FRMPD1: variants seen among roughly 807,000 people sequenced by gnomAD.
FRMPD1 encodes FERM and PDZ domain-containing protein 1.
A neutral mutation model predicts 117.8 loss-of-function variants in FRMPD1; 76 were observed. The observed-to-expected ratio is 0.65, with a 90% CI of 0.54 to 0.78. The LOEUF (loss-of-function observed/expected upper bound fraction) is 0.78. Among genes scored for constraint, FRMPD1 ranks in the 30% least tolerant of loss-of-function variants. The pLI, the probability that FRMPD1 is intolerant of heterozygous loss-of-function variation, is 0.00. For synonymous variants in FRMPD1, 783 were observed against 770.4 expected (o/e 1.02, Z -0.27); for missense variants, 1,786 against 1,964.5 (o/e 0.91, Z 1.72).
the FRMPD1 span, among the ~76,000 whole-genome samples, chr9:37,630,195 G>C: frequency 1.3e-5 from 2 of 152,238 alleles, no homozygotes; most frequent in African/African-American, 4.8e-5. Context: ...TCGGTCCATA[G>C]CACTTGCCAT....
At chr9:37,692,194 GC>G (rs1364627839) in intron 1 of FRMPD1, among the ~76,000 whole-genome samples, 1 of 152,172 alleles carries the variant, frequency 6.6e-6, no homozygotes, top group Admixed American at 6.5e-5. Flanking sequence ...AAAAGCAGCA[GC>G]GCTCAGAGGA....
intron 1 of FRMPD1, among the ~76,000 whole-genome samples, chr9:37,691,250 C>T (rs539465486): frequency 6.2e-4 from 94 of 152,302 alleles, no homozygotes; most frequent in African/African-American, 2.2e-3. Context: ...CTCTTATCTT[C>T]AGTAGGATGG....
Position 37,740,929 on chromosome 9 carries a change from G to C in FRMPD1, c.2356+45G>C, listed in dbSNP as rs1334600220. On this transcript the variant is annotated intron_variant, in intron 15 of 15. Coordinates refer to ENST00000377765, the MANE Select transcript of FRMPD1 (RefSeq NM_014907.3). This position sits in a 1 kb window ranked among gnomAD's most constrained non-coding sequence, Gnocchi z 4.2. ...TCTGCAGACACGGCAGGCAGCTCCT[G>C]AGTGCCTCCCGGGGATCAAGGCCTG... is the stretch of plus-strand genomic sequence containing the variant. 1 of 1,478,632 alleles carries C rather than the reference G, an allele frequency of 6.8e-7. No homozygotes were observed. Among genetic ancestry groups the C allele is most frequent in the Non-Finnish European group, 9.5e-7 (1 of 1,057,040 alleles). The allele number at this position is 1,478,632 out of a possible 1,614,324, so 91.6% of individuals were successfully genotyped here. A position where few individuals can be genotyped will look rare whatever the true frequency, so the allele number is the denominator to read the frequency against.
intron 1 of FRMPD1, chr9:37,668,062 C>T (rs1376271645): frequency 6.6e-6 from 1 of 152,262 alleles, no homozygotes; most frequent in Non-Finnish European, 1.5e-5. Context: ...AGAATAAACT[C>T]TACAACTATA....
At chr9:37,628,573 A>G in the FRMPD1 span, among the ~76,000 whole-genome samples, 1 of 152,234 alleles carries the variant, frequency 6.6e-6, no homozygotes, top group Non-Finnish European at 1.5e-5. Context: ...GTCTCATTGG[A>G]TTATTAGCAA....
intron 1 of FRMPD1, among the ~76,000 whole-genome samples, chr9:37,683,229 T>C (rs1468668109): frequency 2.0e-5 from 3 of 152,234 alleles, no homozygotes; most frequent in African/African-American, 7.2e-5. Flanking sequence ...CAGGACCTCA[T>C]TCCTTTTTGT....
At chr9:37,660,810 A>G (rs1354836673) in intron 1 of FRMPD1, among the ~76,000 whole-genome samples, 1 of 152,164 alleles carries the variant, frequency 6.6e-6, no homozygotes, top group East Asian at 1.9e-4. Context: ...CTTCCTGGGC[A>G]GGGACCGAGC....
chr9:37,647,940 G>T (rs1043424592), upstream of FRMPD1, among the ~76,000 whole-genome samples: 7 of 152,234 alleles, frequency 4.6e-5, no homozygotes, highest in African/African-American at 9.6e-5. Context: ...TCCCAGTGCA[G>T]CTATTTTAAA....
chr9:37,681,854 A>G (rs182170770), intron 1 of FRMPD1, among the ~76,000 whole-genome samples: 1 of 152,338 alleles, frequency 6.6e-6, no homozygotes, highest in East Asian at 1.9e-4. Flanking sequence ...AATCTGAGGG[A>G]CAGAAAACAA....
At chr9:37,726,142 A>G (rs1029139290) in intron 7 of FRMPD1, among the ~76,000 whole-genome samples, 1 of 152,164 alleles carries the variant, frequency 6.6e-6, no homozygotes, top group African/African-American at 2.4e-5. Flanking sequence ...TAATAGCCAA[A>G]TTTTTTAAAG....
At chr9:37,721,780 T>C (rs1823409280) in intron 6 of FRMPD1, among the ~76,000 whole-genome samples, 1 of 152,222 alleles carries the variant, frequency 6.6e-6, no homozygotes, top group African/African-American at 2.4e-5. Context: ...AAATCAGTTC[T>C]GATATTTCAA....
At chr9:37,603,636 C>A in the FRMPD1 span, among the ~76,000 whole-genome samples, 1 of 151,776 alleles carries the variant, frequency 6.6e-6, no homozygotes, top group African/African-American at 2.4e-5. Context: ...TGTTTATTGG[C>A]TAATAGGTTT....
chr9:37,674,810 C>T (rs1821469477), intron 1 of FRMPD1, among the ~76,000 whole-genome samples: 1 of 152,096 alleles, frequency 6.6e-6, no homozygotes, highest in Non-Finnish European at 1.5e-5. Flanking sequence ...AAGACTAGCC[C>T]CTATGATTCA....
chr9:37,729,911 C>G, intron 8 of FRMPD1, 58 bp downstream of exon 8: 1 of 1,572,458 alleles, frequency 6.4e-7, no homozygotes. Flanking sequence ...CTGCATACCT[C>G]AGCCAGAACC....
the FRMPD1 span, among the ~76,000 whole-genome samples, chr9:37,633,031 A>ATC: frequency 6.9e-6 from 1 of 145,754 alleles, no homozygotes; most frequent in Non-Finnish European, 1.5e-5. Flanking sequence ...ATATATATAT[A>ATC]TTTTTCTTTT....
At chr9:37,699,321 C>CT (rs3076723) in intron 2 of FRMPD1, among the ~76,000 whole-genome samples, 2,068 of 137,914 alleles carry the variant, frequency 0.015, 30 homozygotes, top group Non-Finnish European at 0.021. Context: ...CTGTCTCTCT[C>CT]TTTTTTTTTT....
At chr9:37,622,783 G>T in the FRMPD1 span, among the ~76,000 whole-genome samples, 1 of 152,146 alleles carries the variant, frequency 6.6e-6, no homozygotes, top group East Asian at 1.9e-4. Flanking sequence ...AACAAAATTG[G>T]ATGCAAGGAG....
At chr9:37,703,118 G>A (rs1563939407) in intron 2 of FRMPD1, among the ~76,000 whole-genome samples, 1 of 152,050 alleles carries the variant, frequency 6.6e-6, no homozygotes, top group African/African-American at 2.4e-5. Flanking sequence ...TTCCTTTGTG[G>A]TCATCAGTTC....
chr9:37,623,988 G>A, the FRMPD1 span, among the ~76,000 whole-genome samples: 6 of 152,146 alleles, frequency 3.9e-5, no homozygotes, highest in African/African-American at 1.2e-4. Context: ...CATATGGTTC[G>A]GGGCCCCAGC....
Sources: gnomAD v4.1 joint callset for allele counts (sites outside exome capture counted in the v4.1 genomes callset) on GRCh38, gnomAD v4.1.1 for gene constraint, Gnocchi (gnomAD v3.1) non-coding constraint, MANE v1.5 for transcripts, NCBI Gene and HGNC (gene_info 2026-07-23, HGNC 2026-07-21) for gene names.